Variants in STMN2 observed in about 807,000 individuals in gnomAD.
The protein encoded by STMN2 is stathmin 2.
STMN2 carries 2 observed loss-of-function variants against 24.1 expected under a neutral mutation model. That is an observed-to-expected ratio of 0.08 (90% CI 0.03 to 0.26). The LOEUF is 0.26. STMN2 is among the 10% of genes least tolerant of loss of function. The pLI, the probability that STMN2 is intolerant of heterozygous loss-of-function variation, is 1.00. For synonymous variants in STMN2, 83 were observed against 77.5 expected (o/e 1.07, Z -0.37); for missense variants, 114 against 213.6 (o/e 0.53, Z 2.91).
chr8:79,622,448 ATTACTGC>A (rs1809538609), intron 1 of STMN2, among the ~76,000 whole-genome samples: 1 of 152,204 alleles, frequency 6.6e-6, no homozygotes, highest in African/African-American at 2.4e-5. Context: ...TGAGGAAATG[ATTACTGC>A]TTAATAATTC....
At chr8:79,621,675 G>A (rs1412722800) in intron 1 of STMN2, among the ~76,000 whole-genome samples, 1 of 152,200 alleles carries the variant, frequency 6.6e-6, no homozygotes, top group Non-Finnish European at 1.5e-5. Flanking sequence ...AGGATGGTAA[G>A]TGGTGGCCCA....
intron 1 of STMN2, among the ~76,000 whole-genome samples, chr8:79,625,891 G>A (rs1809641647): frequency 6.6e-6 from 1 of 152,070 alleles, no homozygotes; most frequent in Admixed American, 6.6e-5. Context: ...CCCAGGAGGT[G>A]GAGGTTGCAG....
rs1245874818 is a variant in STMN2, at chr8:79,636,897, G to A, written c.115G>A (p.Asp39Asn). The A allele has an allele frequency of 6.2e-7, 1 of 1,613,008 alleles. No individual in the cohort carries two copies. Among genetic ancestry groups the A allele is most frequent in the Non-Finnish European group, 8.5e-7 (1 of 1,179,180 alleles). ...CAACATCAACATCTATACTTACGATGGTGAGTAACCTAGGATAGACATACC... is the reference window on the plus strand; with the variant it reads ...CAACATCAACATCTATACTTACGATAGTGAGTAACCTAGGATAGACATACC... ...PRNINIYTYDDMEVKQINKRA... is the reference protein window; with the variant it reads ...PRNINIYTYDNMEVKQINKRA... Residue 39 changes from aspartate to asparagine, a missense_variant and splice_region_variant, in exon 2 of 5, where the codon GAT becomes AAT. Transcript: ENST00000220876.
intron 1 of STMN2, among the ~76,000 whole-genome samples, chr8:79,629,463 G>A (rs780234138): frequency 2.6e-5 from 4 of 152,102 alleles, no homozygotes; most frequent in Non-Finnish European, 5.9e-5. Context: ...TTCACACTGT[G>A]CAAAACAATG....
chr8:79,623,307 A>G lies in STMN2; in HGVS notation c.19+12093A>G, dbSNP rs559800727. On this transcript the variant is annotated intron_variant, in intron 1 of 4. Transcript: ENST00000220876. The stretch of plus-strand genomic sequence containing the variant: ...TCTGTTATTGCTATTTTTAAAATCT[A>G]TAAGGTATCAGTAAAATGTAATTAC... 5.9e-5 allele frequency among the ~76,000 whole-genome samples: 9 copies of G among 152,350 alleles called. No homozygotes were observed. The South Asian group carries it at 1.2e-3, about 21-fold the overall frequency.
chr8:79,613,585 C>T lies in STMN2; in HGVS notation c.19+2371C>T, dbSNP rs1809304870. On this transcript the variant is annotated intron_variant, in intron 1 of 4. Coordinates refer to ENST00000220876, the MANE Select transcript of STMN2 (RefSeq NM_007029.4). ...TGCAGGCTAGTGGCTGCAAACTCAT[C>T]GTCATCATCAGTATTATTATCATTT... The T allele has an allele frequency of 3.0e-6, 3 of 985,442 alleles. No individual in the cohort carries two copies. In the South Asian group the frequency reaches 1.4e-4, roughly 46 times the overall value. The allele number at this position is 985,442 out of a possible 1,614,324, so 61.0% of individuals were successfully genotyped here.
chr8:79,655,709 GCTGT>G, intron 4 of STMN2, among the ~76,000 whole-genome samples: 2 of 152,202 alleles, frequency 1.3e-5, no homozygotes, highest in South Asian at 4.2e-4. Flanking sequence ...TCTGAAAAAT[GCTGT>G]CTTTCACTTT....
At chr8:79,637,317 T>C (rs1809989021) in intron 2 of STMN2, among the ~76,000 whole-genome samples, 1 of 152,248 alleles carries the variant, frequency 6.6e-6, no homozygotes, top group African/African-American at 2.4e-5. Context: ...TTATAAAGTT[T>C]CTATACTTTG....
chr8:79,646,075 T>A (rs1237297349), intron 3 of STMN2, among the ~76,000 whole-genome samples: 1 of 152,164 alleles, frequency 6.6e-6, no homozygotes, highest in Non-Finnish European at 1.5e-5. Context: ...TAATAAATAA[T>A]AACTTTCAGG....
chr8:79,634,665 G>A (rs912563641), intron 1 of STMN2, among the ~76,000 whole-genome samples: 3 of 152,202 alleles, frequency 2.0e-5, no homozygotes, highest in Non-Finnish European at 4.4e-5. Flanking sequence ...ATGTGACTTT[G>A]GCCTCTGTGG....
intron 3 of STMN2, among the ~76,000 whole-genome samples, chr8:79,653,819 A>T (rs566563968): frequency 1.3e-5 from 2 of 152,256 alleles, no homozygotes; most frequent in South Asian, 4.2e-4. Context: ...TCCAGAAGCC[A>T]TGAGTGTGTA....
At position 79,651,483 on chromosome 8, in the gene STMN2, A is replaced by G. The variant is rs573461390; in HGVS notation, c.289-3388A>G. On this transcript the variant is annotated intron_variant, in intron 3 of 4. Transcript: ENST00000220876. ...AAACCACAGGAGTTTGTTCATGCAG[A>G]TCAAATGTGTCCCACCAAGGCAAGA... Among the ~76,000 whole-genome samples the G allele has an allele frequency of 5.3e-5, 8 of 152,322 alleles. No homozygotes were observed. The East Asian group carries it at 1.2e-3, about 22-fold the overall frequency.
chr8:79,637,155 A>G (rs1809983042), intron 2 of STMN2, among the ~76,000 whole-genome samples: 1 of 152,218 alleles, frequency 6.6e-6, no homozygotes, highest in Non-Finnish European at 1.5e-5. Flanking sequence ...GCATATCAAC[A>G]TCCACAATAT....
intron 4 of STMN2, among the ~76,000 whole-genome samples, chr8:79,658,410 C>T (rs1479988594): frequency 6.6e-6 from 1 of 152,110 alleles, no homozygotes; most frequent in African/African-American, 2.4e-5. Context: ...GCTTAGGAAC[C>T]TTTGTAATAT....
intron 1 of STMN2, among the ~76,000 whole-genome samples, chr8:79,632,848 AATG>A (rs1394929182): frequency 1.3e-5 from 2 of 152,170 alleles, no homozygotes; most frequent in Admixed American, 1.3e-4. Flanking sequence ...ATAACAACAA[AATG>A]ATAAGTGTTA....
chr8:79,642,564 T>C (rs1206883562), intron 3 of STMN2, among the ~76,000 whole-genome samples: 2 of 152,324 alleles, frequency 1.3e-5, no homozygotes, highest in East Asian at 1.9e-4. Context: ...CTTTGGACAC[T>C]TCTATGTTGG....
At chr8:79,614,151 C>T (rs1231423983) in intron 1 of STMN2, among the ~76,000 whole-genome samples, 2 of 152,068 alleles carry the variant, frequency 1.3e-5, no homozygotes, top group African/African-American at 2.4e-5. Context: ...ATATGACAAA[C>T]GCAAGCATCC....
At chr8:79,613,906 T>C (rs927483392) in intron 1 of STMN2, 1 of 874,248 alleles carries the variant, frequency 1.1e-6, no homozygotes, top group African/African-American at 1.8e-5. Context: ...GCTGGAAAAT[T>C]CTCTGCAAAG....
At chr8:79,617,756 A>G (rs1809417588) in intron 1 of STMN2, among the ~76,000 whole-genome samples, 1 of 152,246 alleles carries the variant, frequency 6.6e-6, no homozygotes, top group Non-Finnish European at 1.5e-5. Context: ...ATTTTCCCGC[A>G]ATGGTGCTTT....
Sources: gnomAD v4.1 joint callset for allele counts (sites outside exome capture counted in the v4.1 genomes callset) on GRCh38, gnomAD v4.1.1 for gene constraint, MANE v1.5 for transcripts, NCBI Gene and HGNC (gene_info 2026-07-23, HGNC 2026-07-21) for gene names.